The following CNOT4 variants were observed in gnomAD, a reference collection of about 807,000 sequenced individuals.
CNOT4 encodes the protein CCR4-NOT transcription complex subunit 4.
CNOT4 carries 8 observed loss-of-function variants against 73.8 expected under a neutral mutation model. The ratio of observed to expected loss-of-function variants is 0.11; its 90% CI spans 0.06 to 0.20. The LOEUF (loss-of-function observed/expected upper bound fraction) is 0.20, where lower values mean the gene tolerates loss of function less well. Among genes scored for constraint, CNOT4 ranks in the 10% least tolerant of loss-of-function variants. The probability of loss-of-function intolerance (pLI) is 1.00; values close to 1 mark genes in which losing one functional copy is unlikely to be tolerated. For synonymous variants in CNOT4, 293 were observed against 321.1 expected (o/e 0.91, Z 0.94); for missense variants, 564 against 883.4 (o/e 0.64, Z 4.58).
intron 1 of CNOT4, among the ~76,000 whole-genome samples, chr7:135,456,834 T>C (rs1462413282): frequency 6.6e-6 from 1 of 152,080 alleles, no homozygotes; most frequent in East Asian, 1.9e-4. Context: ...GGTTCAGTAC[T>C]ATCTGCGGTT....
At chr7:135,373,053 CAG>C (rs1795308479) in intron 10 of CNOT4, among the ~76,000 whole-genome samples, 1 of 152,058 alleles carries the variant, frequency 6.6e-6, no homozygotes, top group African/African-American at 2.4e-5. Context: ...GGTTGTTACA[CAG>C]GGAGAATCTG....
intron 1 of CNOT4, among the ~76,000 whole-genome samples, chr7:135,463,368 T>C (rs1254146387): frequency 6.6e-6 from 1 of 151,928 alleles, no homozygotes; most frequent in African/African-American, 2.4e-5. Context: ...TGAAACCCTG[T>C]CTCTATTAAA....
At chr7:135,382,069 C>T (rs180960327) in intron 10 of CNOT4, among the ~76,000 whole-genome samples, 44 of 152,274 alleles carry the variant, frequency 2.9e-4, no homozygotes, top group African/African-American at 1.1e-3. Context: ...GGAAATGGTT[C>T]TCAAGGTCAA....
At chr7:135,457,183 A>G (rs979450369) in intron 1 of CNOT4, among the ~76,000 whole-genome samples, 4 of 152,058 alleles carry the variant, frequency 2.6e-5, no homozygotes, top group Non-Finnish European at 5.9e-5. Context: ...ACCACAAAAT[A>G]CTAGAGAGAG....
intron 3 of CNOT4, among the ~76,000 whole-genome samples, chr7:135,418,447 A>G (rs906598595): frequency 6.6e-6 from 1 of 152,230 alleles, no homozygotes; most frequent in African/African-American, 2.4e-5. Flanking sequence ...GGGCATGTCT[A>G]GTACCAAAAT....
chr7:135,406,659 A>T (rs539142597), intron 7 of CNOT4, among the ~76,000 whole-genome samples: 42 of 151,724 alleles, frequency 2.8e-4, no homozygotes, highest in African/African-American at 7.2e-4. Context: ...ACTCTCAAAA[A>T]TTTTTTTTTA....
At chr7:135,430,853 A>G (rs185988632) in intron 2 of CNOT4, among the ~76,000 whole-genome samples, 312 of 152,334 alleles carry the variant, frequency 2.0e-3, no homozygotes, top group African/African-American at 7.2e-3. Flanking sequence ...ATACTTAATG[A>G]TGTAATACTT....
chr7:135,499,751 C>T (rs1466544028), intron 1 of CNOT4, among the ~76,000 whole-genome samples: 1 of 152,068 alleles, frequency 6.6e-6, no homozygotes, highest in Non-Finnish European at 1.5e-5. Flanking sequence ...ATATTTTCTT[C>T]CCTCCCACAT....
intron 8 of CNOT4, among the ~76,000 whole-genome samples, chr7:135,396,167 G>A (rs868753665): frequency 5.7e-4 from 75 of 131,750 alleles, no homozygotes; most frequent in African/African-American, 2.0e-3. Context: ...GCCCAGGCTG[G>A]AGTGCAGTGG....
chr7:135,369,853 A>C (rs561680037), intron 10 of CNOT4, among the ~76,000 whole-genome samples: 1 of 152,356 alleles, frequency 6.6e-6, no homozygotes, highest in South Asian at 2.1e-4. Flanking sequence ...CTCAACAATG[A>C]ATCTCTAAGT....
intron 7 of CNOT4, among the ~76,000 whole-genome samples, chr7:135,406,756 C>A (rs1797311114): frequency 6.6e-6 from 1 of 152,094 alleles, no homozygotes; most frequent in African/African-American, 2.4e-5. Context: ...TCTTTTCCTC[C>A]TGTTTCCCCC....
At chr7:135,509,446 C>T (rs1438554715) in intron 1 of CNOT4, 1 of 152,604 alleles carries the variant, frequency 6.6e-6, no homozygotes, top group African/African-American at 2.4e-5. Flanking sequence ...CAGCAGCAGC[C>T]AACACGGATC....
At chr7:135,481,407 C>T (rs1057089918) in intron 1 of CNOT4, among the ~76,000 whole-genome samples, 6 of 152,028 alleles carry the variant, frequency 3.9e-5, no homozygotes, top group Non-Finnish European at 7.4e-5. Context: ...CCAGTTAGAA[C>T]GGATATTTCT....
chr7:135,490,046 T>C (rs1240774992), intron 1 of CNOT4, among the ~76,000 whole-genome samples: 1 of 152,240 alleles, frequency 6.6e-6, no homozygotes, highest in Non-Finnish European at 1.5e-5. Flanking sequence ...TACAGTGTAG[T>C]ATATAACTCC....
intron 7 of CNOT4, among the ~76,000 whole-genome samples, chr7:135,400,970 C>A (rs1295152615): frequency 6.6e-6 from 1 of 152,012 alleles, no homozygotes; most frequent in Non-Finnish European, 1.5e-5. Flanking sequence ...TATAGTTACA[C>A]CTGATATTAT....
chr7:135,498,992 TA>T (rs796421823), intron 1 of CNOT4, among the ~76,000 whole-genome samples: 6 of 152,310 alleles, frequency 3.9e-5, no homozygotes, highest in African/African-American at 1.4e-4. Context: ...AAAGGGTTTC[TA>T]AGGACTCATA....
At chr7:135,418,046 T>A (rs914356096) in intron 3 of CNOT4, among the ~76,000 whole-genome samples, 7 of 152,210 alleles carry the variant, frequency 4.6e-5, no homozygotes, top group African/African-American at 1.7e-4. Context: ...GTGTCTTAAA[T>A]AATGCCTGGC....
chr7:135,386,990 T>G (rs1796151683), intron 10 of CNOT4: 1 of 678,554 alleles, frequency 1.5e-6, no homozygotes, highest in Admixed American at 6.3e-5. Flanking sequence ...TGGAGAAGGC[T>G]TTGAGCTAGT....
At chr7:135,443,811 T>C (rs556233083) in intron 1 of CNOT4, among the ~76,000 whole-genome samples, 5 of 152,182 alleles carry the variant, frequency 3.3e-5, no homozygotes, top group Non-Finnish European at 5.9e-5. Flanking sequence ...TGTTGCTGTA[T>C]ACATGGTTTT....
Sources: gnomAD v4.1 joint callset for allele counts (sites outside exome capture counted in the v4.1 genomes callset) on GRCh38, gnomAD v4.1.1 for gene constraint, MANE v1.5 for transcripts, NCBI Gene and HGNC (gene_info 2026-07-23, HGNC 2026-07-21) for gene names.